The following LARP1 variants were observed in gnomAD, a reference collection of about 807,000 sequenced individuals.
The protein encoded by LARP1 is La ribonucleoprotein 1, translational regulator.
In LARP1, 36 loss-of-function variants were observed where a neutral mutation model predicts 122.7. The observed-to-expected ratio is 0.29, with a 90% CI of 0.22 to 0.39. The LOEUF (loss-of-function observed/expected upper bound fraction) is 0.39. Among genes scored for constraint, LARP1 ranks in the 10% least tolerant of loss-of-function variants. The probability of loss-of-function intolerance (pLI) is 1.00; values close to 1 mark genes in which losing one functional copy is unlikely to be tolerated. For missense variants in LARP1, 1,040 were observed against 1,403.6 expected (o/e 0.74, Z 4.14); for synonymous variants, 539 against 528.7 (o/e 1.02, Z -0.27).
intron 1 of LARP1, among the ~76,000 whole-genome samples, chr5:154,733,395 A>C (rs1320433793): frequency 6.6e-6 from 1 of 151,908 alleles, no homozygotes; most frequent in Non-Finnish European, 1.5e-5. Flanking sequence ...GGGTCTGGCT[A>C]TGTTGCCCAA....
rs1469879067 is a variant in LARP1, at chr5:154,692,638, C to T, written c.-180+9601C>T. Among the ~76,000 whole-genome samples the T allele has an allele frequency of 2.0e-5, 3 of 152,330 alleles. No homozygotes were observed. The East Asian group carries it at 5.8e-4, about 29-fold the overall frequency. ...TGAAGACTTCTACCCTTCCTGCCAA[C>T]AGGGTAAAGAGTTCTTCGTCCTCTA... is the stretch of plus-strand genomic sequence containing the variant. On this transcript the variant is annotated intron_variant, in intron 1 of 18. Coordinates refer to the LARP1 transcript ENST00000687700.
At chr5:154,691,129 GCGGGCGCCTGTAGTCCCAGCTA>G (rs1477164037) in intron 1 of LARP1, among the ~76,000 whole-genome samples, 1 of 152,008 alleles carries the variant, frequency 6.6e-6, no homozygotes, top group Non-Finnish European at 1.5e-5. Flanking sequence ...GGGCGTGGTG[GCGGGCGCCTGTAGTCCCAGCTA>G]CTCGGGAGGC....
intron 1 of LARP1, among the ~76,000 whole-genome samples, chr5:154,778,714 C>G (rs542476193): frequency 6.6e-6 from 1 of 152,186 alleles, no homozygotes. Context: ...AGCAAGAGCT[C>G]TGGTGTCTGC....
chr5:154,775,308 G>GT (rs1486598676), intron 1 of LARP1, among the ~76,000 whole-genome samples: 3 of 151,994 alleles, frequency 2.0e-5, no homozygotes, highest in African/African-American at 4.8e-5. Flanking sequence ...TCTAAAAAAC[G>GT]TAAGTGAATA....
intron 1 of LARP1, among the ~76,000 whole-genome samples, chr5:154,685,010 T>G (rs1753858528): frequency 6.6e-6 from 1 of 151,972 alleles, no homozygotes; most frequent in African/African-American, 2.4e-5. Context: ...CTTTGTGAGG[T>G]GGAGGTGGGC....
At chr5:154,693,293 A>T (rs1429697553) in intron 1 of LARP1, among the ~76,000 whole-genome samples, 3 of 152,172 alleles carry the variant, frequency 2.0e-5, no homozygotes, top group South Asian at 4.1e-4. Flanking sequence ...ATGAGCCACC[A>T]CGCCCTGCTA....
rs987782893 is a variant in LARP1, at chr5:154,814,877, G to T, written c.*781G>T. ...AAAATGGGGAAAAAAGAAGAAAAAA[G>T]ACAAAATCGACCATAAAAGACCAAA... On this transcript the variant is annotated 3_prime_UTR_variant, in exon 19 of 19. Transcript: ENST00000518297. 1 of 117,678 alleles carries T rather than the reference G, an allele frequency of 8.5e-6. No individual in the cohort carries two copies. Among genetic ancestry groups the T allele is most frequent in the East Asian group, 2.5e-4 (1 of 3,946 alleles). The allele number at this position is 117,678 out of a possible 1,614,324, so 7.3% of individuals were successfully genotyped here. A position where few individuals can be genotyped will look rare whatever the true frequency, so the allele number is the denominator to read the frequency against.
intron 1 of LARP1, among the ~76,000 whole-genome samples, chr5:154,762,917 G>T (rs1754579284): frequency 6.6e-6 from 1 of 152,108 alleles, no homozygotes; most frequent in Non-Finnish European, 1.5e-5. Context: ...TATGGTTTTT[G>T]CTCTGCTTTT....
intron 1 of LARP1, among the ~76,000 whole-genome samples, chr5:154,695,125 C>T (rs748558695): frequency 2.6e-5 from 4 of 152,074 alleles, no homozygotes; most frequent in African/African-American, 4.8e-5. Context: ...ACCAATCTGG[C>T]TAACATGGTG....
At chr5:154,705,304 G>C (rs1754898492) in intron 1 of LARP1, among the ~76,000 whole-genome samples, 1 of 152,140 alleles carries the variant, frequency 6.6e-6, no homozygotes, top group African/African-American at 2.4e-5. Context: ...AAATAGGCTA[G>C]TCTGAAGATA....
At chr5:154,779,091 T>C (rs1194409054) in intron 1 of LARP1, among the ~76,000 whole-genome samples, 1 of 152,180 alleles carries the variant, frequency 6.6e-6, no homozygotes, top group Non-Finnish European at 1.5e-5. Context: ...GAAAAATAAT[T>C]ACCATGCATT....
chr5:154,700,356 A>G (rs1754654152), intron 1 of LARP1, among the ~76,000 whole-genome samples: 1 of 151,772 alleles, frequency 6.6e-6, no homozygotes, highest in African/African-American at 2.4e-5. Flanking sequence ...GTGTTTTTTC[A>G]TATTAATTTT....
intron 1 of LARP1, among the ~76,000 whole-genome samples, chr5:154,728,391 C>T (rs763329887): frequency 3.9e-5 from 6 of 152,170 alleles, no homozygotes; most frequent in Non-Finnish European, 7.3e-5. Context: ...TTTTGAATCT[C>T]GGCTTATCCT....
At position 154,808,620 on chromosome 5, in the gene LARP1, G is replaced by A. The variant is rs1758988607; in HGVS notation, c.2843+17G>A. The A allele has an allele frequency of 1.2e-6, 2 of 1,606,300 alleles. No individual in the cohort carries two copies. The highest frequency in any genetic ancestry group is 1.7e-6 in the Non-Finnish European group (2 of 1,176,066). On this transcript the variant is annotated intron_variant, in intron 16 of 18. Transcript: ENST00000518297. ...AGGCTACAGGTGAGCAGGTTTGGGT[G>A]GGGGACTTTGGCTGGTGCTTAGGGA...
intron 1 of LARP1, among the ~76,000 whole-genome samples, chr5:154,733,226 G>A (rs763617235): frequency 5.3e-5 from 8 of 152,202 alleles, no homozygotes; most frequent in Admixed American, 1.3e-4. Flanking sequence ...TTATAAATTC[G>A]TGGCTATTGA....
intron 1 of LARP1, among the ~76,000 whole-genome samples, chr5:154,777,069 A>G (rs568777345): frequency 2.0e-5 from 3 of 152,362 alleles, no homozygotes; most frequent in Admixed American, 2.0e-4. Flanking sequence ...ACACAAACAA[A>G]TGGCACAACG....
At position 154,812,929 on chromosome 5, in the gene LARP1, G is replaced by A. The variant is rs369443016; in HGVS notation, c.3082-958G>A. On this transcript the variant is annotated intron_variant, in intron 18 of 18. Coordinates refer to ENST00000518297, the MANE Select transcript of LARP1 (RefSeq NM_033551.3). The stretch of plus-strand genomic sequence containing the variant: ...ATTATCTCCACCTGGTCCCTCCCGC[G>A]ACATGTGGGGATTATGGGAACTACA... Among the ~76,000 whole-genome samples the A allele has an allele frequency of 9.2e-5, 14 of 152,242 alleles. No homozygotes were observed. The South Asian group carries it at 1.7e-3, about 18-fold the overall frequency.
At chr5:154,786,269 G>T (rs1316719476) in intron 1 of LARP1, among the ~76,000 whole-genome samples, 1 of 152,078 alleles carries the variant, frequency 6.6e-6, no homozygotes, top group Non-Finnish European at 1.5e-5. Context: ...TCTAACTCCT[G>T]ACCTCAGGTA....
intron 8 of LARP1, among the ~76,000 whole-genome samples, chr5:154,796,747 T>G (rs1202239937): frequency 6.6e-6 from 1 of 152,230 alleles, no homozygotes; most frequent in Admixed American, 6.5e-5. Flanking sequence ...GAATACCTCT[T>G]CAAGAAGTAA....
Sources: allele counts gnomAD v4.1 joint callset (sites outside exome capture counted in the v4.1 genomes callset), GRCh38; gene constraint gnomAD v4.1.1; transcripts MANE v1.5; gene names NCBI Gene and HGNC (gene_info 2026-07-23, HGNC 2026-07-21).